MSH3: variants seen among roughly 807,000 people sequenced by gnomAD.
The protein encoded by MSH3 is mutS homolog 3.
MSH3 carries 106 observed loss-of-function variants against 123.3 expected under a neutral mutation model. That is an observed-to-expected ratio of 0.86 (90% CI 0.73 to 1.01). The LOEUF (loss-of-function observed/expected upper bound fraction) is 1.01, where lower values mean the gene tolerates loss of function less well. Ranked by LOEUF, MSH3 falls within the 50% of genes least tolerant of loss-of-function variation. The pLI, the probability that MSH3 is intolerant of heterozygous loss-of-function variation, is 0.00. For synonymous variants in MSH3, 515 were observed against 481.4 expected, an observed-to-expected ratio of 1.07 and a Z score of -0.91; for missense variants, 1,459 against 1,347.6, an observed-to-expected ratio of 1.08 and a Z score of -1.29.
At chr5:80,719,298 G>A (rs1056122899) in intron 8 of MSH3, among the ~76,000 whole-genome samples, 5 of 152,066 alleles carry the variant, frequency 3.3e-5, no homozygotes, top group South Asian at 4.2e-4. Context: ...CACCCACCTC[G>A]GCCTCCCAAA....
intron 8 of MSH3, among the ~76,000 whole-genome samples, chr5:80,691,959 A>ATG (rs1750274365): frequency 2.2e-5 from 1 of 45,488 alleles, no homozygotes; most frequent in South Asian, 6.2e-4. Flanking sequence ...ATAGATAAAC[A>ATG]TGTATATGTT....
rs1434358007 is a variant in MSH3, at chr5:80,670,275, G to T, written c.758G>T (p.Gly253Val). The change falls in exon 4 of 24, where the codon GGA becomes GTA. Residue 253 changes from glycine (G) to valine (V), a missense_variant. Transcript: ENST00000265081. ...GATGCAGTTTTGTGTGTGGAATGTG[G>T]ATATAAGTATAGATTCTTTGGGGAA... Reference protein sequence around the residue: ...HKDAVLCVECGYKYRFFGEDA... With the variant: ...HKDAVLCVECVYKYRFFGEDA... The T allele has an allele frequency of 6.2e-7, 1 of 1,614,118 alleles. No individual in the cohort carries two copies. Among genetic ancestry groups the T allele is most frequent in the African/African-American group, 1.3e-5 (1 of 75,028 alleles).
At chr5:80,655,555 C>G (rs1351208869) in intron 1 of MSH3, 1 of 190,932 alleles carries the variant, frequency 5.2e-6, no homozygotes, top group Non-Finnish European at 1.1e-5. Context: ...GGAGTCCTTC[C>G]TGTTGCCATC....
At chr5:80,750,795 T>C (rs1298424349) in intron 12 of MSH3, among the ~76,000 whole-genome samples, 1 of 152,188 alleles carries the variant, frequency 6.6e-6, no homozygotes, top group African/African-American at 2.4e-5. Flanking sequence ...CCAAGGCTTT[T>C]TCTCAAGTCT....
At chr5:80,681,545 G>A (rs1420019142) in intron 8 of MSH3, among the ~76,000 whole-genome samples, 1 of 151,482 alleles carries the variant, frequency 6.6e-6, no homozygotes, top group African/African-American at 2.4e-5. Context: ...GAAATGGAAT[G>A]GATAAATTAT....
At chr5:80,721,749 C>CA (rs1276867001) in intron 8 of MSH3, among the ~76,000 whole-genome samples, 7 of 151,952 alleles carry the variant, frequency 4.6e-5, no homozygotes, top group African/African-American at 1.7e-4. Flanking sequence ...TTGAATCTAA[C>CA]AAAAAACAAC....
In MSH3 at chr5:80,679,046, C is replaced by T. The variant is rs760654110; in HGVS notation, c.1293C>T (p.Ala431=). The part of the protein sequence containing the change: ...LQPVELLLPS[A]LSEQTEALIH... ...CAGTAGAGCTGCTGCTTCCTTCGGC[C>T]TTGTCCGAGCAAACAGAGGCGCTCA... The change falls in exon 8 of 24, where the codon GCC becomes GCT. Residue 431 remains alanine, a synonymous_variant. Coordinates refer to ENST00000265081, the MANE Select transcript of MSH3 (RefSeq NM_002439.5). The T allele has an allele frequency of 1.2e-5, 19 of 1,614,006 alleles. No homozygotes were observed. The highest frequency in any genetic ancestry group is 1.6e-5 in the Non-Finnish European group (19 of 1,180,018).
At chr5:80,804,146 A>G (rs1188650860) in intron 19 of MSH3, among the ~76,000 whole-genome samples, 1 of 152,240 alleles carries the variant, frequency 6.6e-6, no homozygotes, top group Non-Finnish European at 1.5e-5. Flanking sequence ...TGCTTTAGTT[A>G]CTATGGACAC....
chr5:80,709,064 G>A (rs1216555488), intron 8 of MSH3, among the ~76,000 whole-genome samples: 2 of 152,002 alleles, frequency 1.3e-5, no homozygotes, highest in Non-Finnish European at 2.9e-5. Flanking sequence ...TGTGAGCCAT[G>A]GCACTGGACC....
At chr5:80,710,550 C>T (rs960944193) in intron 8 of MSH3, among the ~76,000 whole-genome samples, 3 of 152,314 alleles carry the variant, frequency 2.0e-5, no homozygotes, top group Middle Eastern at 3.4e-3. Context: ...TATTTCTTTA[C>T]AAACCACAGC....
intron 8 of MSH3, among the ~76,000 whole-genome samples, chr5:80,718,649 G>A (rs772452665): frequency 1.4e-5 from 2 of 143,902 alleles, no homozygotes; most frequent in Non-Finnish European, 3.1e-5. Flanking sequence ...TAAAATTCAG[G>A]TTTTTTTTTT....
chr5:80,794,150 A>G (rs550012919), intron 19 of MSH3, among the ~76,000 whole-genome samples: 98 of 152,330 alleles, frequency 6.4e-4, no homozygotes, highest in Middle Eastern at 3.4e-3. Context: ...ATAGATTTAC[A>G]TCACAAAGGG....
chr5:80,710,372 T>C (rs1022291946), intron 8 of MSH3, among the ~76,000 whole-genome samples: 1 of 152,228 alleles, frequency 6.6e-6, no homozygotes, highest in Non-Finnish European at 1.5e-5. Context: ...ACCTTTACTT[T>C]TGACTGCAAA....
intron 20 of MSH3, among the ~76,000 whole-genome samples, chr5:80,821,284 A>G (rs1395903432): frequency 6.6e-6 from 1 of 152,164 alleles, no homozygotes; most frequent in Non-Finnish European, 1.5e-5. Context: ...TGGTTATCCT[A>G]TGCCATCATG....
chr5:80,693,906 T>C (rs1471161884), intron 8 of MSH3, among the ~76,000 whole-genome samples: 2 of 152,142 alleles, frequency 1.3e-5, no homozygotes, highest in African/African-American at 4.8e-5. Context: ...ATGATCCTCC[T>C]GCCTTGGCCT....
intron 20 of MSH3, among the ~76,000 whole-genome samples, chr5:80,830,487 C>A (rs1745398123): frequency 6.6e-6 from 1 of 152,106 alleles, no homozygotes; most frequent in Non-Finnish European, 1.5e-5. Flanking sequence ...ATATTGGGTT[C>A]CCCTGTATTC....
rs397942439 is a variant in MSH3 at position 80,658,037 on chromosome 5, C to CTTTTTTTTTTT, written c.358+1509_358+1519dup. Among the ~76,000 whole-genome samples the CTTTTTTTTTTT allele has an allele frequency of 2.0e-3, 229 of 116,616 alleles. 20 individuals carry two copies. The highest frequency in any genetic ancestry group is 7.8e-3 in the East Asian group (29 of 3,736). 76.5% of individuals were successfully genotyped at this position (116,616 alleles called of 152,430 possible). Reference sequence around the variant, plus strand: ...TTTTCCTAAGAATGCTTTTTGCCCTCTTTTTTTTTTTTTGAGATAGGGTCT... The same window carrying CTTTTTTTTTTT: ...TTTTCCTAAGAATGCTTTTTGCCCTCTTTTTTTTTTTTTTTTTTTTTTTTGAGATAGGGTCT... On this transcript the variant is annotated intron_variant, in intron 2 of 23. Transcript: ENST00000265081.
chr5:80,719,809 TGTCTTTCTA>T (rs1486768207), intron 8 of MSH3, among the ~76,000 whole-genome samples: 2 of 152,224 alleles, frequency 1.3e-5, no homozygotes, highest in African/African-American at 4.8e-5. Context: ...CTTATATCCA[TGTCTTTCTA>T]GTCATTTTGG....
At chr5:80,832,581 T>C (rs1745438309) in intron 20 of MSH3, among the ~76,000 whole-genome samples, 1 of 150,794 alleles carries the variant, frequency 6.6e-6, no homozygotes, top group Non-Finnish European at 1.5e-5. Context: ...ATTGTCCCAC[T>C]GCACTCCAGC....
Sources: gnomAD v4.1 joint callset for allele counts (sites outside exome capture counted in the v4.1 genomes callset) on GRCh38, gnomAD v4.1.1 for gene constraint, MANE v1.5 for transcripts, NCBI Gene and HGNC (gene_info 2026-07-23, HGNC 2026-07-21) for gene names.